Variants in CERS6 observed in about 807,000 individuals in gnomAD.
The protein encoded by CERS6 is LAG1 homolog, ceramide synthase 6.
A neutral mutation model predicts 56.8 loss-of-function variants in CERS6; 26 were observed. The observed-to-expected ratio is 0.46, with a 90% CI of 0.34 to 0.63. CERS6 has a LOEUF of 0.63. Ranked by LOEUF, CERS6 falls within the 30% of genes least tolerant of loss-of-function variation. The pLI, the probability that CERS6 is intolerant of heterozygous loss-of-function variation, is 0.01. For synonymous variants in CERS6, 164 were observed against 173.3 expected (o/e 0.95, Z 0.42); for missense variants, 415 against 467.5 (o/e 0.89, Z 1.04).
chr2:168,681,761 T>C (rs563744425), intron 4 of CERS6, among the ~76,000 whole-genome samples: 1 of 152,170 alleles, frequency 6.6e-6, no homozygotes, highest in Non-Finnish European at 1.5e-5. Context: ...ATATTTTGTA[T>C]CCACTAACCA....
chr2:168,723,439 A>G (rs1013199692), intron 8 of CERS6, among the ~76,000 whole-genome samples: 50 of 152,088 alleles, frequency 3.3e-4, no homozygotes, highest in African/African-American at 1.2e-3. Context: ...AAAATCCAAA[A>G]ATTCTTACTC....
At chr2:168,485,070 T>A (rs1032280103) in intron 1 of CERS6, among the ~76,000 whole-genome samples, 3 of 152,296 alleles carry the variant, frequency 2.0e-5, no homozygotes, top group Admixed American at 6.5e-5. Flanking sequence ...AGTTCAGGCT[T>A]ATGAAATTGG....
intron 3 of CERS6, among the ~76,000 whole-genome samples, chr2:168,563,290 G>A (rs1222955082): frequency 2.0e-5 from 3 of 152,162 alleles, no homozygotes; most frequent in African/African-American, 7.2e-5. Context: ...AGGTCATTAT[G>A]TGCATACCAC....
chr2:168,595,353 A>T (rs1683773781), intron 3 of CERS6, among the ~76,000 whole-genome samples: 2 of 152,190 alleles, frequency 1.3e-5, no homozygotes, highest in Non-Finnish European at 2.9e-5. Flanking sequence ...GTTTAGTCTG[A>T]GCTTTTAGCC....
chr2:168,484,138 AT>A (rs1284195955), intron 1 of CERS6, among the ~76,000 whole-genome samples: 1 of 61,632 alleles, frequency 1.6e-5, no homozygotes, highest in African/African-American at 6.0e-5. Flanking sequence ...TTTAGTACCT[AT>A]TTTTTTCTTT....
chr2:168,473,499 A>T (rs1694014904), intron 1 of CERS6, among the ~76,000 whole-genome samples: 1 of 152,170 alleles, frequency 6.6e-6, no homozygotes, highest in Non-Finnish European at 1.5e-5. Context: ...AAATGTAATG[A>T]CACAATATAT....
intron 4 of CERS6, among the ~76,000 whole-genome samples, chr2:168,689,494 A>G (rs1052593741): frequency 6.6e-6 from 1 of 152,166 alleles, no homozygotes; most frequent in African/African-American, 2.4e-5. Context: ...TATTTTTTAC[A>G]TCTTCCTCAA....
At chr2:168,670,975 C>CCCG (rs1553506478) in intron 4 of CERS6, among the ~76,000 whole-genome samples, 1 of 69,942 alleles carries the variant, frequency 1.4e-5, no homozygotes, top group Non-Finnish European at 4.9e-5. Context: ...TTCCCCCCCC[C>CCCG]CCCCCAGACG....
chr2:168,769,506 A>G lies in CERS6; in HGVS notation c.1003-4A>G. The G allele has an allele frequency of 6.3e-7, 1 of 1,583,346 alleles. No homozygotes were observed. Among genetic ancestry groups the G allele is most frequent in the Non-Finnish European group, 8.6e-7 (1 of 1,169,108 alleles). ...GGTTATACTCACCTGCTTCTACTCC[A>G]CAGGTGTCCAAGGATGATCGAAGTG... On this transcript the variant is annotated splice_region_variant and splice_polypyrimidine_tract_variant and intron_variant, in intron 9 of 9. Transcript: ENST00000305747.
chr2:168,490,836 A>T (rs987891377), intron 1 of CERS6, among the ~76,000 whole-genome samples: 2 of 151,410 alleles, frequency 1.3e-5, no homozygotes, highest in African/African-American at 4.8e-5. Context: ...AGAATATATG[A>T]TGATAGTGTG....
intron 1 of CERS6, among the ~76,000 whole-genome samples, chr2:168,474,302 CTTTGCATTTAGGTGTT>C (rs1462024698): frequency 1.3e-5 from 2 of 152,132 alleles, no homozygotes; most frequent in African/African-American, 4.8e-5. Flanking sequence ...ATACAGACTT[CTTTGCATTTAGGTGTT>C]TTTGCATTTA....
At chr2:168,497,144 A>T (rs896706285) in intron 1 of CERS6, among the ~76,000 whole-genome samples, 6 of 152,204 alleles carry the variant, frequency 3.9e-5, no homozygotes, top group African/African-American at 1.4e-4. Context: ...AAAGGAGTAG[A>T]ATACTCTCTT....
Position 168,614,650 on chromosome 2 carries a change from C to A in CERS6, c.408-16335C>A, listed in dbSNP as rs578148138. The stretch of plus-strand genomic sequence containing the variant: ...ATGACACAGCAGAGGCAGCCATAAT[C>A]TTCCTGGGAACATAACTCCATTGGC... On this transcript the variant is annotated intron_variant, in intron 3 of 9. Transcript: ENST00000305747. 2.6e-5 allele frequency among the ~76,000 whole-genome samples: 4 copies of A among 152,264 alleles called. No homozygotes were observed. In the East Asian group the frequency reaches 7.7e-4, roughly 29 times the overall value.
intron 3 of CERS6, among the ~76,000 whole-genome samples, chr2:168,599,101 C>G (rs578259924): frequency 1.2e-4 from 19 of 152,310 alleles, no homozygotes; most frequent in South Asian, 2.1e-4. Flanking sequence ...ACCTACTCTT[C>G]TGCCAACTCT....
chr2:168,594,681 T>G (rs993816825), intron 3 of CERS6, among the ~76,000 whole-genome samples: 12 of 152,184 alleles, frequency 7.9e-5, no homozygotes, highest in African/African-American at 2.9e-4. Flanking sequence ...CCAGTGTAAG[T>G]CCTGCTTACC....
intron 3 of CERS6, among the ~76,000 whole-genome samples, chr2:168,589,084 A>G (rs945085159): frequency 6.6e-6 from 1 of 152,212 alleles, no homozygotes; most frequent in African/African-American, 2.4e-5. Flanking sequence ...TTGCTGCATC[A>G]TATGGAAATT....
intron 8 of CERS6, among the ~76,000 whole-genome samples, chr2:168,746,820 T>TAA (rs574474747): frequency 2.2e-3 from 178 of 80,002 alleles, no homozygotes; most frequent in African/African-American, 5.7e-3. Context: ...TATATATATA[T>TAA]AAAATCATCT....
intron 1 of CERS6, among the ~76,000 whole-genome samples, chr2:168,541,035 C>T (rs1232237959): frequency 6.6e-6 from 1 of 152,176 alleles, no homozygotes; most frequent in Non-Finnish European, 1.5e-5. Context: ...GGGCCTCAGG[C>T]TGCTTCCACT....
intron 6 of CERS6, among the ~76,000 whole-genome samples, chr2:168,701,668 C>T (rs1456228696): frequency 6.6e-6 from 1 of 152,078 alleles, no homozygotes; most frequent in Non-Finnish European, 1.5e-5. Flanking sequence ...CCCCCGCCCC[C>T]GAGGATACCA....
Sources: gnomAD v4.1 joint callset for allele counts (sites outside exome capture counted in the v4.1 genomes callset) on GRCh38, gnomAD v4.1.1 for gene constraint, MANE v1.5 for transcripts, NCBI Gene and HGNC (gene_info 2026-07-23, HGNC 2026-07-21) for gene names.